Variants in PGCKA1 observed in about 807,000 individuals in gnomAD.
The protein encoded by PGCKA1 is PDCD10 and GCKIII kinases associated 1, also known as PDCD10 and GCKIII kinases-associated protein 1.
chr4:37,570,018 C>T, the PGCKA1 span, among the ~76,000 whole-genome samples: 20 of 128,504 alleles, frequency 1.6e-4, no homozygotes, highest in African/African-American at 5.9e-4. Context: ...CTCGCTCTGT[C>T]GCCCCGGCTG....
the PGCKA1 span, among the ~76,000 whole-genome samples, chr4:37,492,524 C>G: frequency 3.4e-3 from 517 of 152,282 alleles, 5 homozygotes; most frequent in African/African-American, 0.012. This position sits in a 1 kb window ranked among gnomAD's most constrained non-coding sequence, Gnocchi z 4.7. Context: ...AAACACTTGC[C>G]TGGAAGGTAT....
the PGCKA1 span, among the ~76,000 whole-genome samples, chr4:37,473,272 A>T: frequency 6.6e-5 from 10 of 152,298 alleles, no homozygotes; most frequent in Middle Eastern, 0.01. Flanking sequence ...AAATATTTAT[A>T]CTTTTAGATA....
chr4:37,472,767 T>C, the PGCKA1 span, among the ~76,000 whole-genome samples: 1 of 152,236 alleles, frequency 6.6e-6, no homozygotes, highest in African/African-American at 2.4e-5. Flanking sequence ...CATTTCTTAT[T>C]CCTGATTCTT....
chr4:37,500,635 C>T, the PGCKA1 span, among the ~76,000 whole-genome samples: 8 of 152,192 alleles, frequency 5.3e-5, no homozygotes, highest in Admixed American at 3.9e-4. Flanking sequence ...TTATCAGGCC[C>T]ATTTGATCCA....
the PGCKA1 span, among the ~76,000 whole-genome samples, chr4:37,580,848 A>G: frequency 6.6e-6 from 1 of 152,216 alleles, no homozygotes; most frequent in Non-Finnish European, 1.5e-5. Context: ...CAGGGTGACA[A>G]GATACCCCAG....
chr4:37,495,514 G>A, the PGCKA1 span, among the ~76,000 whole-genome samples: 1 of 152,150 alleles, frequency 6.6e-6, no homozygotes, highest in South Asian at 2.1e-4. Context: ...TATACACCAT[G>A]GAATACTACG....
At chr4:37,582,294 T>C in the PGCKA1 span, among the ~76,000 whole-genome samples, 1 of 152,158 alleles carries the variant, frequency 6.6e-6, no homozygotes, top group Non-Finnish European at 1.5e-5. Context: ...AAATTTGGTG[T>C]TCCTGTGGGG....
At chr4:37,454,974 T>C in the PGCKA1 span, among the ~76,000 whole-genome samples, 1 of 152,206 alleles carries the variant, frequency 6.6e-6, no homozygotes, top group African/African-American at 2.4e-5. Flanking sequence ...CATTGAAGAA[T>C]AGGGCGTTTA....
At chr4:37,569,464 G>A in the PGCKA1 span, among the ~76,000 whole-genome samples, 2 of 152,082 alleles carry the variant, frequency 1.3e-5, no homozygotes, top group Admixed American at 6.6e-5. Flanking sequence ...CTCCCAAAGC[G>A]CTGGGGTTAC....
At chr4:37,538,948 T>C in the PGCKA1 span, among the ~76,000 whole-genome samples, 3 of 152,176 alleles carry the variant, frequency 2.0e-5, no homozygotes, top group Non-Finnish European at 1.5e-5. Flanking sequence ...CTAGAGAGAA[T>C]GGTTAATTAA....
chr4:37,591,207 C>T, the PGCKA1 span: 1 of 482,006 alleles, frequency 2.1e-6, no homozygotes, highest in African/African-American at 1.9e-5. Flanking sequence ...GATGAGCTGT[C>T]ATTCAGGACA....
the PGCKA1 span, among the ~76,000 whole-genome samples, chr4:37,547,449 G>A: frequency 1.3e-5 from 2 of 152,144 alleles, no homozygotes; most frequent in Admixed American, 1.3e-4. Context: ...GCACAAATAA[G>A]CCCACCCCAC....
At chr4:37,510,763 C>T in the PGCKA1 span, among the ~76,000 whole-genome samples, 130 of 152,120 alleles carry the variant, frequency 8.5e-4, 1 homozygote, top group African/African-American at 2.8e-3. Flanking sequence ...GTGATGAAAC[C>T]AGTTGGGCTC....
At chr4:37,537,042 G>A in the PGCKA1 span, among the ~76,000 whole-genome samples, 34 of 152,206 alleles carry the variant, frequency 2.2e-4, no homozygotes, top group African/African-American at 8.2e-4. Flanking sequence ...GGAAGCTGAA[G>A]GGCCAGTGGC....
the PGCKA1 span, among the ~76,000 whole-genome samples, chr4:37,496,405 A>T: frequency 1.3e-5 from 2 of 152,132 alleles, no homozygotes; most frequent in Non-Finnish European, 2.9e-5. Flanking sequence ...CAAAGATCAT[A>T]TGGTTGTAGG....
At chr4:37,490,296 G>A in the PGCKA1 span, among the ~76,000 whole-genome samples, 4 of 152,108 alleles carry the variant, frequency 2.6e-5, no homozygotes, top group African/African-American at 9.7e-5. Flanking sequence ...GTAACAGGAG[G>A]TTTGAACCCA....
At chr4:37,506,406 A>G in the PGCKA1 span, among the ~76,000 whole-genome samples, 4 of 152,170 alleles carry the variant, frequency 2.6e-5, no homozygotes, top group South Asian at 8.3e-4. Context: ...GTAGGTACTC[A>G]TAGCTATAAA....
the PGCKA1 span, chr4:37,590,068 T>C: frequency 3.0e-5 from 47 of 1,589,896 alleles, no homozygotes; most frequent in South Asian, 1.4e-4. Context: ...CCTGACTGGT[T>C]TTCATTGTCT....
chr4:37,491,685 G>C, the PGCKA1 span, among the ~76,000 whole-genome samples: 1 of 152,122 alleles, frequency 6.6e-6, no homozygotes. Flanking sequence ...TGGGCACTCA[G>C]TGGTCCTTTG....
Sources: gnomAD v4.1 joint callset for allele counts (sites outside exome capture counted in the v4.1 genomes callset) on GRCh38, gnomAD v4.1.1 for gene constraint, Gnocchi (gnomAD v3.1) non-coding constraint, MANE v1.5 for transcripts, NCBI Gene and HGNC (gene_info 2026-07-23, HGNC 2026-07-21) for gene names.